Variants in PAPPA observed in about 807,000 individuals in gnomAD.
PAPPA encodes pappalysin-1.
PAPPA carries 60 observed loss-of-function variants against 164.0 expected under a neutral mutation model. The ratio of observed to expected loss-of-function variants is 0.37; its 90% CI spans 0.30 to 0.45. PAPPA has a LOEUF of 0.45. Ranked by LOEUF, PAPPA falls within the 20% of genes least tolerant of loss-of-function variation. The probability of loss-of-function intolerance (pLI) is 1.00; values close to 1 mark genes in which losing one functional copy is unlikely to be tolerated. For synonymous variants in PAPPA, 875 were observed against 814.1 expected, an observed-to-expected ratio of 1.07 and a Z score of -1.27; for missense variants, 1,782 against 2,087.3, an observed-to-expected ratio of 0.85 and a Z score of 2.85.
intron 9 of PAPPA, among the ~76,000 whole-genome samples, chr9:116,275,784 G>A (rs1005627688): frequency 1.3e-5 from 2 of 151,886 alleles, no homozygotes; most frequent in Admixed American, 6.6e-5. Flanking sequence ...CTCTGGCTTA[G>A]TAACACCAGC....
chr9:116,216,119 T>A (rs1844368341), intron 4 of PAPPA, among the ~76,000 whole-genome samples: 1 of 152,202 alleles, frequency 6.6e-6, no homozygotes, highest in Non-Finnish European at 1.5e-5. Context: ...TTATTATGAC[T>A]ATTATTACTA....
At chr9:116,370,472 A>T (rs1298998141) in intron 19 of PAPPA, among the ~76,000 whole-genome samples, 1 of 152,222 alleles carries the variant, frequency 6.6e-6, no homozygotes, top group Non-Finnish European at 1.5e-5. Flanking sequence ...ACATTTAGTG[A>T]TGGCTTACCA....
At chr9:116,276,345 T>A (rs1845198148) in intron 9 of PAPPA, among the ~76,000 whole-genome samples, 1 of 152,208 alleles carries the variant, frequency 6.6e-6, no homozygotes, top group South Asian at 2.1e-4. Flanking sequence ...TGAGATGGAA[T>A]CTAGTGCATT....
intron 19 of PAPPA, among the ~76,000 whole-genome samples, chr9:116,373,924 G>A (rs183855174): frequency 3.1e-4 from 47 of 152,128 alleles, no homozygotes; most frequent in Admixed American, 9.8e-4. Context: ...TCATAGTTAC[G>A]GTGAGAATTA....
chr9:116,380,104 C>G (rs1286356438), intron 20 of PAPPA, among the ~76,000 whole-genome samples: 1 of 152,192 alleles, frequency 6.6e-6, no homozygotes, highest in East Asian at 1.9e-4. Context: ...TTCTCCATAG[C>G]TCTTATCAGA....
intron 7 of PAPPA, among the ~76,000 whole-genome samples, chr9:116,241,971 A>C (rs1047020291): frequency 1.3e-5 from 2 of 152,018 alleles, no homozygotes; most frequent in Non-Finnish European, 2.9e-5. Context: ...TCATTCATTC[A>C]TCCATCAACT....
intron 7 of PAPPA, among the ~76,000 whole-genome samples, chr9:116,236,401 A>G (rs1844668255): frequency 6.6e-6 from 1 of 151,954 alleles, no homozygotes; most frequent in Non-Finnish European, 1.5e-5. Context: ...CCTGGCTAAC[A>G]TGGTGAAACC....
rs761406330 is a variant in PAPPA at position 116,187,576 on chromosome 9, G to A, written c.838G>A (p.Ala280Thr). Reference sequence around the variant, plus strand: ...CATGGAAACCCATGGCGCCCACACTGCTCTACCTCAGCTCCTCCTCCAGGA... The same window carrying A: ...CATGGAAACCCATGGCGCCCACACTACTCTACCTCAGCTCCTCCTCCAGGA... ...SDMETHGAHT[A>T]LPQLLLQENW... Residue 280 changes from alanine to threonine, a missense_variant, in exon 2 of 22, where the codon GCT becomes ACT. Coordinates refer to ENST00000328252, the MANE Select transcript of PAPPA (RefSeq NM_002581.5). This position sits in a 1 kb window ranked among gnomAD's most constrained non-coding sequence, Gnocchi z 4.2. 6.2e-7 allele frequency: 1 copy of A among 1,614,160 alleles called. No homozygotes were observed. The highest frequency in any genetic ancestry group is 8.5e-7 in the Non-Finnish European group (1 of 1,180,024).
At chr9:116,171,415 T>A (rs1843774290) in intron 1 of PAPPA, among the ~76,000 whole-genome samples, 1 of 152,176 alleles carries the variant, frequency 6.6e-6, no homozygotes, top group African/African-American at 2.4e-5. Context: ...TACAGTGAGG[T>A]CTTTGTATTC....
intron 19 of PAPPA, among the ~76,000 whole-genome samples, 200 bp from the exon 20 acceptor site, chr9:116,377,376 T>G (rs1372330590): frequency 6.6e-6 from 1 of 152,210 alleles, no homozygotes; most frequent in Non-Finnish European, 1.5e-5. Flanking sequence ...CCATGACACA[T>G]GCGGTGAACA....
In PAPPA at chr9:116,380,497, G is replaced by A. The variant is rs753931535; in HGVS notation, c.4678-1898G>A. ...GCCAGTTCCTTTTATTCTAAGGAAGGGACAATTAGTCTCCATCATTATTCT... is the reference window on the plus strand; with the variant it reads ...GCCAGTTCCTTTTATTCTAAGGAAGAGACAATTAGTCTCCATCATTATTCT... On this transcript the variant is annotated intron_variant, in intron 20 of 21. Transcript: ENST00000328252. Among the ~76,000 whole-genome samples the A allele has an allele frequency of 2.6e-5, 4 of 152,176 alleles. No homozygotes were observed. The South Asian group carries it at 8.3e-4, about 32-fold the overall frequency.
intron 13 of PAPPA, among the ~76,000 whole-genome samples, chr9:116,340,860 C>T (rs1010703372): frequency 4.6e-5 from 7 of 152,244 alleles, no homozygotes; most frequent in Admixed American, 2.0e-4. Flanking sequence ...GATCTGACCA[C>T]GAAATCTTTT....
chr9:116,197,055 G>C (rs1457851599), intron 2 of PAPPA, among the ~76,000 whole-genome samples: 2 of 152,214 alleles, frequency 1.3e-5, no homozygotes, highest in Admixed American at 6.5e-5. Context: ...GTTTGGCCAA[G>C]CGTGAGGAAG....
chr9:116,337,624 C>G (rs2118961898), intron 13 of PAPPA, among the ~76,000 whole-genome samples: 1 of 151,516 alleles, frequency 6.6e-6, no homozygotes, highest in South Asian at 2.1e-4. Context: ...CCCTCCACAA[C>G]CTTTCCTCTT....
intron 10 of PAPPA, among the ~76,000 whole-genome samples, chr9:116,320,717 T>A (rs549381051): frequency 6.0e-4 from 91 of 152,186 alleles, no homozygotes; most frequent in African/African-American, 2.1e-3. Context: ...CCATTGCTAT[T>A]AAGTGTGTAA....
chr9:116,238,091 C>T (rs1465066627), intron 7 of PAPPA, among the ~76,000 whole-genome samples: 1 of 151,882 alleles, frequency 6.6e-6, no homozygotes, highest in Non-Finnish European at 1.5e-5. Context: ...ACTTGTATCC[C>T]ATCTCCACTC....
intron 2 of PAPPA, 146 bp downstream of exon 2, chr9:116,188,362 C>T (rs557760700): frequency 4.8e-5 from 30 of 630,646 alleles, no homozygotes; most frequent in African/African-American, 2.9e-4. Context: ...GTCTTTTACT[C>T]GGGTCATTGT....
At chr9:116,317,847 T>C (rs530786864) in intron 10 of PAPPA, among the ~76,000 whole-genome samples, 178 of 152,058 alleles carry the variant, frequency 1.2e-3, no homozygotes, top group African/African-American at 4.0e-3. Context: ...CAGTGCTCTC[T>C]TGATCTGATC....
chr9:116,200,745 T>C (rs1844163145), intron 2 of PAPPA, among the ~76,000 whole-genome samples: 1 of 152,082 alleles, frequency 6.6e-6, no homozygotes, highest in Admixed American at 6.5e-5. Flanking sequence ...AACATGGTAT[T>C]TAATAGAATC....
Sources: allele counts gnomAD v4.1 joint callset (sites outside exome capture counted in the v4.1 genomes callset), GRCh38; gene constraint gnomAD v4.1.1; non-coding constraint Gnocchi (gnomAD v3.1); transcripts MANE v1.5; gene names NCBI Gene and HGNC (gene_info 2026-07-23, HGNC 2026-07-21).